CFAP47: variants seen among roughly 807,000 people sequenced by gnomAD.
CFAP47 encodes the protein cilia- and flagella-associated protein 47.
A neutral mutation model predicts 148.1 loss-of-function variants in CFAP47; 29 were observed. The observed-to-expected ratio is 0.20, with a 90% CI of 0.15 to 0.27. CFAP47 has a LOEUF of 0.27. Among genes scored for constraint, CFAP47 ranks in the 10% least tolerant of loss-of-function variants. The probability of loss-of-function intolerance (pLI) is 1.00; values close to 1 mark genes in which losing one functional copy is unlikely to be tolerated. For synonymous variants in CFAP47, 664 were observed against 577.3 expected (o/e 1.15, Z -2.15); for missense variants, 1,872 against 1,697.5 (o/e 1.10, Z -1.81).
intron 55 of CFAP47, among the ~76,000 whole-genome samples, chrX:36,310,096 G>T (rs1941381075): frequency 9.7e-6 from 1 of 102,979 alleles, no homozygotes; most frequent in Non-Finnish European, 2.0e-5. Context: ...CATTGTTTGT[G>T]ATCCCTTTAT....
intron 42 of CFAP47, among the ~76,000 whole-genome samples, chrX:36,196,057 A>C (rs1555987194): frequency 8.9e-6 from 1 of 111,931 alleles, no homozygotes; most frequent in Admixed American, 9.5e-5. Flanking sequence ...ATGTTGTGTC[A>C]AAATTTTGTT....
At chrX:36,248,228 T>C (rs1282401876) in intron 48 of CFAP47, among the ~76,000 whole-genome samples, 1 of 105,712 alleles carries the variant, frequency 9.5e-6, no homozygotes, top group African/African-American at 3.4e-5. Context: ...ATGTATTATG[T>C]ATTATATTAT....
rs373694417 is a variant in CFAP47, at chrX:35,948,311, T to C, written c.518-3T>C. The C allele has an allele frequency of 4.2e-6, 5 of 1,195,642 alleles. No individual in the cohort carries two copies. The African/African-American group carries it at 7.0e-5, about 17-fold the overall frequency. ...GTAAATCAACTGCTCTTATTCCCTA[T>C]AGGCATATTTAAGGCAGAATACCAC... On this transcript the variant is annotated splice_polypyrimidine_tract_variant and splice_region_variant and intron_variant, in intron 3 of 63. Transcript: ENST00000378653.
Position 35,920,066 on chromosome X carries a change from G to A in CFAP47, c.249+18G>A. 2 of 1,166,472 alleles carry A rather than the reference G, an allele frequency of 1.7e-6. No individual in the cohort carries two copies. The highest frequency in any genetic ancestry group is 2.3e-6 in the Non-Finnish European group (2 of 869,290). ...AGCCACAGGTGACACACTAAGGGGT[G>A]CTGGGAGCGGGACCTTGTGAGAGCG... On this transcript the variant is annotated intron_variant, in intron 1 of 63. Transcript: ENST00000378653.
At chrX:36,176,583 T>G (rs1569281263) in intron 39 of CFAP47, among the ~76,000 whole-genome samples, 1 of 112,053 alleles carries the variant, frequency 8.9e-6, no homozygotes, top group East Asian at 2.8e-4. Context: ...AGAATCACGT[T>G]GTTCTAGGTC....
chrX:36,080,134 G>A (rs147909272), intron 29 of CFAP47, among the ~76,000 whole-genome samples: 1,481 of 111,411 alleles, frequency 0.013, 20 homozygotes, highest in African/African-American at 0.046. Flanking sequence ...ATGAGGAGAC[G>A]ATTTTCAAAA....
At chrX:36,265,483 A>C (rs1344956753) in intron 49 of CFAP47, among the ~76,000 whole-genome samples, 2 of 111,577 alleles carry the variant, frequency 1.8e-5, no homozygotes, top group Non-Finnish European at 3.8e-5. Flanking sequence ...GTCTTGTTTC[A>C]ATTCTCAAGG....
intron 15 of CFAP47, among the ~76,000 whole-genome samples, chrX:35,986,939 G>A (rs1936723671): frequency 9.0e-6 from 1 of 111,527 alleles, no homozygotes; most frequent in Non-Finnish European, 1.9e-5. Flanking sequence ...AGCGGAGGCT[G>A]CAGAACAGCA....
At position 36,014,875 on chromosome X, in the gene CFAP47, A is replaced by G. The variant is rs1937079735; in HGVS notation, c.3519A>G (p.Thr1173=). Residue 1173 remains threonine, a synonymous_variant, in exon 22 of 64, where the codon ACA becomes ACG. Coordinates refer to ENST00000378653, the MANE Select transcript of CFAP47 (RefSeq NM_001304548.2). ...YLSSSPSNPK[T]VPLIRPCYVQ... ...CCAGTTCTCCTTCGAATCCAAAAAC[A>G]GTACCACTTATCCGACCATGTTACG... 1 of 293,884 alleles carries G rather than the reference A, an allele frequency of 3.4e-6. No homozygotes were observed. Among genetic ancestry groups the G allele is most frequent in the African/African-American group, 2.8e-5 (1 of 36,329 alleles). The allele number at this position is 293,884 out of a possible 1,213,427, so 24.2% of individuals were successfully genotyped here.
chrX:36,251,378 G>A lies in CFAP47; in HGVS notation c.7378G>A (p.Val2460Ile), dbSNP rs782729840. Residue 2460 changes from valine (V) to isoleucine (I), a missense_variant, in exon 49 of 64, where the codon GTA becomes ATA. By Grantham distance (29) the Val-to-Ile change is conservative. Transcript: ENST00000378653. ...AGTGTGGGGAAATCCACAAATTACAGTATACCCTTATAAAGAAATTCTGTA... is the reference window on the plus strand; with the variant it reads ...AGTGTGGGGAAATCCACAAATTACAATATACCCTTATAAAGAAATTCTGTA... ...PIVWGNPQIT[V>I]YPYKEILYLI... 3.9e-6 allele frequency: 2 copies of A among 507,031 alleles called. No individual in the cohort carries two copies. Among genetic ancestry groups the A allele is most frequent in the East Asian group, 3.7e-5 (1 of 27,319 alleles). 41.8% of individuals were successfully genotyped at this position (507,031 alleles called of 1,213,427 possible). A position where few individuals can be genotyped will look rare whatever the true frequency, so the allele number is the denominator to read the frequency against.
At chrX:36,283,593 C>A (rs1556003990) in intron 50 of CFAP47, among the ~76,000 whole-genome samples, 2 of 111,740 alleles carry the variant, frequency 1.8e-5, no homozygotes, top group African/African-American at 6.5e-5. Context: ...GATTACCCTC[C>A]ATAATGTGGT....
At position 36,286,998 on chromosome X, in the gene CFAP47, T is replaced by C. The variant is rs186975664; in HGVS notation, c.7686+1272T>C. Among the ~76,000 whole-genome samples the C allele has an allele frequency of 6.4e-3, 711 of 111,000 alleles. 1 individual carries two copies. The highest frequency in any genetic ancestry group is 0.022 in the African/African-American group (684 of 30,632). Reference sequence around the variant, plus strand: ...TGATAGAAATTGAGATTTCTATAGCTCTCAACCTTAAAAGGTGAAGACTGT... The same window carrying C: ...TGATAGAAATTGAGATTTCTATAGCCCTCAACCTTAAAAGGTGAAGACTGT... On this transcript the variant is annotated intron_variant, in intron 51 of 63. Coordinates refer to ENST00000378653, the MANE Select transcript of CFAP47 (RefSeq NM_001304548.2).
intron 27 of CFAP47, among the ~76,000 whole-genome samples, chrX:36,067,369 C>T: frequency 8.9e-6 from 1 of 111,738 alleles, no homozygotes; most frequent in South Asian, 3.7e-4. Context: ...TATACCCCAT[C>T]TCTATGTTTG....
chrX:36,028,190 T>C (rs1302383878), intron 22 of CFAP47, among the ~76,000 whole-genome samples: 1 of 111,402 alleles, frequency 9.0e-6, no homozygotes, highest in Non-Finnish European at 1.9e-5. Flanking sequence ...ATTTTTGTTG[T>C]TTTTGGTTTT....
rs201305224 is a variant in CFAP47 at position 35,971,677 on chromosome X, G to A, written c.2062G>A (p.Glu688Lys). ...CTCACTCTCAGAAGCGGAAATAGAA[G>A]AGGAGCTGTCTTCAGCAGCAAATTC... ...SPSLSEAEIE[E>K]ELSSAANSIR... is the part of the protein sequence containing the mutation. The change falls in exon 12 of 64, where the codon GAG becomes AAG. Residue 688 changes from glutamate (E) to lysine (K), a missense_variant. Glu to Lys is a moderately conservative substitution (Grantham distance 56). Coordinates refer to ENST00000378653, the MANE Select transcript of CFAP47 (RefSeq NM_001304548.2). 4 of 1,207,261 alleles carry A rather than the reference G, an allele frequency of 3.3e-6. No individual in the cohort carries two copies. In the Admixed American group the frequency reaches 6.6e-5, roughly 20 times the overall value.
chrX:36,080,480 T>A (rs1480054459), intron 29 of CFAP47, among the ~76,000 whole-genome samples: 13 of 111,822 alleles, frequency 1.2e-4, no homozygotes, highest in Non-Finnish European at 1.9e-5. Context: ...CACATGCCCA[T>A]GTATGTGTAT....
At chrX:35,972,089 C>T (rs1936502324) in intron 13 of CFAP47, 124 bp downstream of exon 13, 3 of 465,758 alleles carry the variant, frequency 6.4e-6, no homozygotes, top group Non-Finnish European at 1.1e-5. Context: ...TATAAGAAGT[C>T]CTCAGAGTAG....
At chrX:36,343,635 T>C (rs1295748490) in intron 57 of CFAP47, among the ~76,000 whole-genome samples, 2 of 112,023 alleles carry the variant, frequency 1.8e-5, no homozygotes, top group East Asian at 5.6e-4. Flanking sequence ...TGCACACATA[T>C]GTTTATTGCA....
chrX:36,120,305 GC>G (rs922833153), intron 33 of CFAP47, among the ~76,000 whole-genome samples: 2 of 110,460 alleles, frequency 1.8e-5, no homozygotes, highest in African/African-American at 6.6e-5. Flanking sequence ...ACCACTCCCA[GC>G]CCACATTGCC....
Sources: allele counts gnomAD v4.1 joint callset (sites outside exome capture counted in the v4.1 genomes callset), GRCh38; gene constraint gnomAD v4.1.1; transcripts MANE v1.5; gene names NCBI Gene and HGNC (gene_info 2026-07-23, HGNC 2026-07-21).